Variants in DCUN1D2 observed in about 807,000 individuals in gnomAD.
DCUN1D2 encodes the protein DCN1-like protein 2.
Under a neutral mutation model 30.9 loss-of-function variants are expected in DCUN1D2, and 29 were observed. The observed-to-expected ratio is 0.94, with a 90% CI of 0.70 to 1.28. The LOEUF is 1.28. Among genes scored for constraint, DCUN1D2 ranks in the 50% most tolerant of loss-of-function variants. The pLI is 0.00. For synonymous variants in DCUN1D2, 121 were observed against 115.3 expected (o/e 1.05, Z -0.32); for missense variants, 325 against 316.9 (o/e 1.03, Z -0.19).
At chr13:113,466,754 G>C (rs1746487563) in intron 4 of DCUN1D2, among the ~76,000 whole-genome samples, 1 of 152,008 alleles carries the variant, frequency 6.6e-6, no homozygotes, top group Admixed American at 6.6e-5. Flanking sequence ...CAGGTGGACG[G>C]GATGGCATAT....
intron 4 of DCUN1D2, among the ~76,000 whole-genome samples, chr13:113,462,174 C>T (rs1359643504): frequency 1.3e-5 from 2 of 151,798 alleles, no homozygotes; most frequent in Middle Eastern, 3.4e-3. Flanking sequence ...ATCACTTGAA[C>T]CTGGGAGGCG....
intron 6 of DCUN1D2, among the ~76,000 whole-genome samples, chr13:113,458,773 G>A (rs1308761178): frequency 1.3e-5 from 2 of 152,196 alleles, no homozygotes; most frequent in African/African-American, 4.8e-5. Flanking sequence ...GCCCGCCGAG[G>A]GGGCAGGGAG....
At chr13:113,473,638 C>T (rs191058229) in intron 4 of DCUN1D2, among the ~76,000 whole-genome samples, 4 of 152,078 alleles carry the variant, frequency 2.6e-5, no homozygotes, top group South Asian at 2.1e-4. Flanking sequence ...TTTTCAGGTA[C>T]GCGGTATTAT....
intron 1 of DCUN1D2, among the ~76,000 whole-genome samples, chr13:113,487,073 T>C (rs2044817991): frequency 6.6e-6 from 1 of 152,222 alleles, no homozygotes; most frequent in South Asian, 2.1e-4. Context: ...AAATTCAAGG[T>C]TGTATTCTCT....
intron 4 of DCUN1D2, among the ~76,000 whole-genome samples, chr13:113,463,451 G>A (rs969968184): frequency 3.3e-5 from 5 of 151,926 alleles, no homozygotes; most frequent in Admixed American, 3.3e-4. Context: ...TAGCACTTTA[G>A]GAGGCCGCGG....
intron 4 of DCUN1D2, among the ~76,000 whole-genome samples, chr13:113,470,835 AGACCCAACTCCACAGGG>A (rs2044494391): frequency 7.4e-6 from 1 of 134,610 alleles, no homozygotes; most frequent in Admixed American, 7.4e-5. Flanking sequence ...ACTCCACAGA[AGACCCAACTCCACAGGG>A]GACCCAAATC....
intron 5 of DCUN1D2, among the ~76,000 whole-genome samples, chr13:113,460,845 C>A (rs1011973515): frequency 1.3e-5 from 2 of 152,202 alleles, no homozygotes. Flanking sequence ...TCTGAGGAGG[C>A]CCCGGAGTGG....
chr13:113,482,918 G>A (rs2044735350), intron 2 of DCUN1D2, among the ~76,000 whole-genome samples: 1 of 152,064 alleles, frequency 6.6e-6, no homozygotes, highest in Admixed American at 6.6e-5. Context: ...ACTCCAGCCT[G>A]GTGACAGAGC....
At chr13:113,464,517 AT>A (rs2044369894) in intron 4 of DCUN1D2, among the ~76,000 whole-genome samples, 1 of 152,248 alleles carries the variant, frequency 6.6e-6, no homozygotes, top group Non-Finnish European at 1.5e-5. Flanking sequence ...TTAGACTCTA[AT>A]TTATAACCTC....
rs776688224 is a variant in DCUN1D2, at chr13:113,483,910, C to T, written c.150G>A (p.Ser50=). ...CGTTCCGCATGGACTCCCTGTGGAGCGAGTCTGGGTTTTGGAAGAAGCTGT... is the reference window on the plus strand; with the variant it reads ...CGTTCCGCATGGACTCCCTGTGGAGTGAGTCTGGGTTTTGGAAGAAGCTGT... ...ATDSFFQNPD[S]LHRESMRNAV... is the part of the protein sequence containing the mutation. Residue 50 remains serine (S), a synonymous_variant, in exon 2 of 7, where the codon TCG becomes TCA. Transcript: ENST00000478244. The T allele has an allele frequency of 1.5e-5, 25 of 1,613,790 alleles. 1 individual carries two copies. The South Asian group carries it at 1.9e-4, about 12-fold the overall frequency.
intron 4 of DCUN1D2, 37 bp from the exon 5 acceptor site, chr13:113,461,173 A>T (rs752194465): frequency 1.5e-6 from 2 of 1,360,636 alleles, no homozygotes; most frequent in South Asian, 2.4e-5. Flanking sequence ...AGTAAATCTC[A>T]CTCTCTTTTT....
chr13:113,463,815 C>A lies in DCUN1D2; in HGVS notation c.521-2679G>T, dbSNP rs1209828788. On this transcript the variant is annotated intron_variant, in intron 4 of 6. Coordinates refer to ENST00000478244, the MANE Select transcript of DCUN1D2 (RefSeq NM_001014283.2). Reference sequence around the variant, plus strand: ...ACACACAGACATATATAAACAGACACAAACACACACACAGACACAGACACA... The same window carrying A: ...ACACACAGACATATATAAACAGACAAAAACACACACACAGACACAGACACA... Among the ~76,000 whole-genome samples, 13 of 151,966 alleles carry A rather than the reference C, an allele frequency of 8.6e-5. 1 individual carries two copies. Among genetic ancestry groups the A allele is most frequent in the Admixed American group, 8.5e-4 (13 of 15,256 alleles).
upstream of DCUN1D2, chr13:113,491,284 G>C (rs2139770314): frequency 6.5e-6 from 1 of 152,708 alleles, no homozygotes; most frequent in South Asian, 2.1e-4. Context: ...GTGAGCACCA[G>C]GCCCGTCCAT....
intron 2 of DCUN1D2, among the ~76,000 whole-genome samples, chr13:113,482,465 G>T (rs1566505747): frequency 6.6e-6 from 1 of 152,262 alleles, no homozygotes; most frequent in South Asian, 2.1e-4. Flanking sequence ...GTAGACTAAA[G>T]CTTAACTAAG....
intron 4 of DCUN1D2, among the ~76,000 whole-genome samples, chr13:113,465,817 C>T (rs1316335520): frequency 1.3e-5 from 2 of 152,008 alleles, no homozygotes; most frequent in African/African-American, 4.8e-5. Context: ...CAGGTGCACA[C>T]CACCACACCC....
At chr13:113,475,142 G>C (rs188752576) in intron 3 of DCUN1D2, among the ~76,000 whole-genome samples, 4 of 152,230 alleles carry the variant, frequency 2.6e-5, no homozygotes, top group African/African-American at 7.2e-5. Flanking sequence ...AAAAGTCCTC[G>C]AAGACATACA....
intron 4 of DCUN1D2, among the ~76,000 whole-genome samples, chr13:113,461,805 T>C (rs984653667): frequency 1.3e-5 from 2 of 152,210 alleles, no homozygotes; most frequent in South Asian, 2.1e-4. Context: ...CTACTGAAGA[T>C]GTCTAATAGA....
chr13:113,480,470 A>G, intron 3 of DCUN1D2, 105 bp downstream of exon 3: 2 of 1,273,200 alleles, frequency 1.6e-6, no homozygotes, highest in East Asian at 2.4e-5. Context: ...AAAGATACAC[A>G]AAGAAAATAA....
At chr13:113,481,367 T>C (rs2044705112) in intron 2 of DCUN1D2, among the ~76,000 whole-genome samples, 1 of 152,206 alleles carries the variant, frequency 6.6e-6, no homozygotes, top group Non-Finnish European at 1.5e-5. Context: ...TAAAATATAT[T>C]TAAGGCATCC....
Sources: gnomAD v4.1 joint callset for allele counts (sites outside exome capture counted in the v4.1 genomes callset) on GRCh38, gnomAD v4.1.1 for gene constraint, MANE v1.5 for transcripts, NCBI Gene and HGNC (gene_info 2026-07-23, HGNC 2026-07-21) for gene names.